The following PTCHD1 variants were observed in gnomAD, a reference collection of about 807,000 sequenced individuals.
PTCHD1 encodes the protein patched domain-containing protein 1.
A neutral mutation model predicts 34.6 loss-of-function variants in PTCHD1; 3 were observed. The observed-to-expected ratio is 0.09, with a 90% CI of 0.04 to 0.22. The LOEUF is 0.22. Ranked by LOEUF, PTCHD1 falls within the 10% of genes least tolerant of loss-of-function variation. The pLI is 1.00. For missense variants in PTCHD1, 504 were observed against 685.5 expected (o/e 0.74, Z 2.96); for synonymous variants, 305 against 283.1 (o/e 1.08, Z -0.77).
At chrX:23,368,574 G>C (rs759989512) in intron 1 of PTCHD1, among the ~76,000 whole-genome samples, 62 of 111,650 alleles carry the variant, frequency 5.6e-4, no homozygotes, top group African/African-American at 1.8e-3. Context: ...CCCTGCCGTC[G>C]TGAAGCATAT....
chrX:23,360,945 G>T (rs1193793125), intron 1 of PTCHD1, among the ~76,000 whole-genome samples: 1 of 112,093 alleles, frequency 8.9e-6, no homozygotes, highest in Non-Finnish European at 1.9e-5. Context: ...CAGTTTCCCT[G>T]TAGTTGCGTG....
At chrX:23,365,877 C>T (rs1309612085) in intron 1 of PTCHD1, among the ~76,000 whole-genome samples, 5 of 112,194 alleles carry the variant, frequency 4.5e-5, no homozygotes, top group Non-Finnish European at 9.4e-5. Context: ...AAGCAATTGG[C>T]CAGGAACTTC....
At chrX:23,358,448 T>C (rs184064708) in intron 1 of PTCHD1, among the ~76,000 whole-genome samples, 2 of 112,082 alleles carry the variant, frequency 1.8e-5, no homozygotes, top group African/African-American at 6.5e-5. Context: ...TTGGCTTCTT[T>C]TGAGAGGTGT....
chrX:23,363,099 G>A (rs931606067), intron 1 of PTCHD1, among the ~76,000 whole-genome samples: 20 of 112,437 alleles, frequency 1.8e-4, no homozygotes, highest in African/African-American at 4.2e-4. Flanking sequence ...TAGGCTACAC[G>A]GGTGTCAGGG....
At chrX:23,364,361 G>A (rs776812648) in intron 1 of PTCHD1, among the ~76,000 whole-genome samples, 1 of 92,096 alleles carries the variant, frequency 1.1e-5, no homozygotes, top group East Asian at 3.6e-4. Context: ...CCTTAATTAT[G>A]AAGAGTGTAG....
chrX:23,367,782 C>T (rs921230796), intron 1 of PTCHD1, among the ~76,000 whole-genome samples: 1 of 111,506 alleles, frequency 9.0e-6, no homozygotes, highest in East Asian at 2.8e-4. Context: ...GTGCAATATT[C>T]TAGGTTCCAT....
intron 1 of PTCHD1, among the ~76,000 whole-genome samples, chrX:23,362,142 C>T (rs1158130243): frequency 8.9e-6 from 1 of 111,742 alleles, no homozygotes; most frequent in African/African-American, 3.3e-5. Context: ...GGTTGCTCTT[C>T]TTGAGGAGTA....
At chrX:23,358,645 A>G (rs1921881442) in intron 1 of PTCHD1, among the ~76,000 whole-genome samples, 1 of 111,689 alleles carries the variant, frequency 9.0e-6, no homozygotes, top group Admixed American at 9.5e-5. Context: ...GAAGCTCTTT[A>G]GTTTAATTAG....
intron 1 of PTCHD1, among the ~76,000 whole-genome samples, chrX:23,359,853 C>T (rs1921920138): frequency 8.9e-6 from 1 of 111,902 alleles, no homozygotes; most frequent in African/African-American, 3.3e-5. Context: ...GAGTTTTTAG[C>T]AAGAAGGGCT....
rs186627297 is a variant in PTCHD1 at position 23,370,474 on chromosome X, T to C, written c.352-9117T>C. On this transcript the variant is annotated intron_variant, in intron 1 of 2. Coordinates refer to ENST00000379361, the MANE Select transcript of PTCHD1 (RefSeq NM_173495.3). The stretch of plus-strand genomic sequence containing the variant: ...GTGATTTTTAAGGGCAGTAGCTTTG[T>C]ATGAGAACCTTGAGAACAGAGAAGA... Among the ~76,000 whole-genome samples the C allele has an allele frequency of 4.5e-5, 5 of 112,343 alleles. No homozygotes were observed. In the Admixed American group the frequency reaches 4.7e-4, roughly 11 times the overall value.
rs1041569914 is a variant in PTCHD1 at position 23,397,151 on chromosome X, G to A, written c.*2966G>A. The A allele has an allele frequency of 3.6e-5, 4 of 111,532 alleles. No homozygotes were observed. Among genetic ancestry groups the A allele is most frequent in the African/African-American group, 1.3e-4 (4 of 30,671 alleles). 9.2% of individuals were successfully genotyped at this position (111,532 alleles called of 1,213,427 possible). A position where few individuals can be genotyped will look rare whatever the true frequency, so the allele number is the denominator to read the frequency against. On this transcript the variant is annotated 3_prime_UTR_variant, in exon 3 of 3. Transcript: ENST00000379361. ...TGTTTGTTTACCAAAGAAAATATTC[G>A]ATTCATCAAAAATATTGCTCCTGGT... is the stretch of plus-strand genomic sequence containing the variant.
rs1422081136 is a variant in PTCHD1 at position 23,378,226 on chromosome X, G to A, written c.352-1365G>A. Among the ~76,000 whole-genome samples the A allele has an allele frequency of 2.7e-5, 3 of 111,761 alleles. No homozygotes were observed. In the East Asian group the frequency reaches 8.4e-4, roughly 31 times the overall value. ...GACCTGTGTAGCTACCACTGAAACA[G>A]TAACATGATATGCCATTTTCAAAAA... On this transcript the variant is annotated intron_variant, in intron 1 of 2. Coordinates refer to ENST00000379361, the MANE Select transcript of PTCHD1 (RefSeq NM_173495.3).
chrX:23,340,784 C>T (rs1289036979), intron 1 of PTCHD1, among the ~76,000 whole-genome samples: 1 of 112,191 alleles, frequency 8.9e-6, no homozygotes, highest in Non-Finnish European at 1.9e-5. Context: ...GCTATGAAGC[C>T]TTGGGCAGTC....
At chrX:23,346,573 A>G (rs1921483542) in intron 1 of PTCHD1, among the ~76,000 whole-genome samples, 2 of 112,054 alleles carry the variant, frequency 1.8e-5, no homozygotes, top group South Asian at 7.6e-4. Flanking sequence ...ATCAGATACA[A>G]AGGGTGGGGG....
intron 1 of PTCHD1, among the ~76,000 whole-genome samples, chrX:23,352,782 T>A (rs938789678): frequency 2.7e-5 from 3 of 112,149 alleles, no homozygotes. Flanking sequence ...CCAAATACAG[T>A]CCACAGATTG....
intron 1 of PTCHD1, among the ~76,000 whole-genome samples, chrX:23,336,496 G>A (rs914889788): frequency 2.7e-5 from 3 of 111,622 alleles, no homozygotes; most frequent in African/African-American, 9.8e-5. Flanking sequence ...TTCCTCTACA[G>A]GTAATAGTTT....
chrX:23,336,514 G>A (rs1439040583), intron 1 of PTCHD1, among the ~76,000 whole-genome samples: 1 of 111,791 alleles, frequency 8.9e-6, no homozygotes, highest in African/African-American at 3.3e-5. Context: ...TTTATCCCTA[G>A]AGACAAGCTA....
chrX:23,361,969 A>G (rs1443079877), intron 1 of PTCHD1, among the ~76,000 whole-genome samples: 1 of 112,348 alleles, frequency 8.9e-6, no homozygotes. Context: ...AGAATGTTGA[A>G]TATTGGCCCC....
chrX:23,357,748 T>C (rs1376583213), intron 1 of PTCHD1, among the ~76,000 whole-genome samples: 1 of 111,406 alleles, frequency 9.0e-6, no homozygotes, highest in East Asian at 2.8e-4. Flanking sequence ...ACATGCTGAC[T>C]TCACAACACC....
Sources: gnomAD v4.1 joint callset for allele counts (sites outside exome capture counted in the v4.1 genomes callset) on GRCh38, gnomAD v4.1.1 for gene constraint, MANE v1.5 for transcripts, NCBI Gene and HGNC (gene_info 2026-07-23, HGNC 2026-07-21) for gene names.